Variants in SMC3 observed in about 807,000 individuals in gnomAD.
SMC3 encodes the protein structural maintenance of chromosomes protein 3.
In SMC3, 20 loss-of-function variants were observed where a neutral mutation model predicts 171.8. The observed-to-expected ratio is 0.12, with a 90% CI of 0.08 to 0.17. SMC3 has a LOEUF of 0.17. SMC3 is among the 10% of genes least tolerant of loss of function. The pLI is 1.00. For synonymous variants in SMC3, 464 were observed against 451.1 expected (o/e 1.03, Z -0.36); for missense variants, 543 against 1,420.4 (o/e 0.38, Z 9.93).
intron 13 of SMC3, 38 bp from the exon 14 acceptor site, chr10:110,589,567 C>T: frequency 1.5e-6 from 2 of 1,355,094 alleles, no homozygotes; most frequent in Non-Finnish European, 2.1e-6. Context: ...AGATTAGTTT[C>T]ATGAAATTGA....
At chr10:110,569,753 C>T (rs1444929783) in intron 2 of SMC3, among the ~76,000 whole-genome samples, 1 of 152,068 alleles carries the variant, frequency 6.6e-6, no homozygotes, top group Non-Finnish European at 1.5e-5. Context: ...AAATGAGAAA[C>T]CTTATGTAAG....
intron 18 of SMC3, among the ~76,000 whole-genome samples, chr10:110,595,917 CTTTTT>C (rs10639343): frequency 7.9e-5 from 8 of 101,608 alleles, no homozygotes; most frequent in African/African-American, 1.2e-4. Flanking sequence ...ACTGGAGGTT[CTTTTT>C]TTTTTTTTTT....
Position 110,598,148 on chromosome 10 carries a change from A to G in SMC3, c.2126A>G (p.Asn709Ser). 1 of 1,613,726 alleles carries G rather than the reference A, an allele frequency of 6.2e-7. No individual in the cohort carries two copies. The highest frequency in any genetic ancestry group is 8.5e-7 in the Non-Finnish European group (1 of 1,179,816). Reference protein sequence around the residue: ...NLRRNIERINNEIDQLMNQMQ... With the variant: ...NLRRNIERINSEIDQLMNQMQ... ...CCTTAGCCTTGTATATGGATTAATA[A>G]TGAAATTGATCAGTTGATGAACCAA... Residue 709 changes from asparagine (N) to serine (S), a missense_variant, in exon 20 of 29, where the codon AAT (asparagine) becomes AGT (serine). Asn to Ser is a conservative substitution (Grantham distance 46). Transcript: ENST00000361804.
At chr10:110,589,752 C>A in intron 14 of SMC3, 44 bp downstream of exon 14, 8 of 1,422,092 alleles carry the variant, frequency 5.6e-6, no homozygotes, top group South Asian at 3.5e-5. Flanking sequence ...CAGTAATGTT[C>A]GTTACTAGCT....
chr10:110,605,956 T>C lies in SMC3; in HGVS notation c.*1654T>C, dbSNP rs1861463074. Among the ~76,000 whole-genome samples the C allele has an allele frequency of 6.6e-6, 1 of 152,230 alleles. No homozygotes were observed. Among genetic ancestry groups the C allele is most frequent in the South Asian group, 2.1e-4 (1 of 4,824 alleles). ...AAACATAACATCATTCTAGAACTTCTTAATATTGTTCTTAAGCATTTCCCC... is the reference window on the plus strand; with the variant it reads ...AAACATAACATCATTCTAGAACTTCCTAATATTGTTCTTAAGCATTTCCCC... On this transcript the variant is annotated 3_prime_UTR_variant, in exon 29 of 29. Transcript: ENST00000361804.
intron 20 of SMC3, among the ~76,000 whole-genome samples, chr10:110,599,261 C>T (rs997090880): frequency 1.3e-5 from 2 of 152,128 alleles, no homozygotes; most frequent in Non-Finnish European, 2.9e-5. Flanking sequence ...CCACACCCAG[C>T]TAATTTTTGT....
intron 18 of SMC3, among the ~76,000 whole-genome samples, chr10:110,594,120 T>C (rs921804518): frequency 1.4e-5 from 2 of 138,656 alleles, no homozygotes; most frequent in Admixed American, 1.5e-4. Flanking sequence ...ATAGCAGGGG[T>C]TCTTAACCTT....
Position 110,575,373 on chromosome 10 carries a change from T to G in SMC3, c.168T>G (p.Leu56=), listed in dbSNP as rs1459624851. Residue 56 remains leucine, a synonymous_variant, in exon 4 of 29, where the codon CTT becomes CTG. Transcript: ENST00000361804. Reference sequence around the variant, plus strand: ...TTCTCAGTGATGAGTTTAGTCATCTTCGTCCAGAACAGCGGTTGGCTTTAT... The same window carrying G: ...TTCTCAGTGATGAGTTTAGTCATCTGCGTCCAGAACAGCGGTTGGCTTTAT... The part of the protein sequence containing the change: ...QFVLSDEFSH[L]RPEQRLALLH... The G allele has an allele frequency of 6.2e-7, 1 of 1,613,812 alleles. No individual in the cohort carries two copies. Among genetic ancestry groups the G allele is most frequent in the South Asian group, 1.1e-5 (1 of 91,082 alleles).
intron 18 of SMC3, among the ~76,000 whole-genome samples, chr10:110,595,917 C>CTTTT (rs10639343): frequency 0.11 from 11,429 of 101,260 alleles, 1,166 homozygotes; most frequent in African/African-American, 0.17. Flanking sequence ...ACTGGAGGTT[C>CTTTT]TTTTTTTTTT....
At chr10:110,585,453 T>C (rs1651700501) in intron 13 of SMC3, among the ~76,000 whole-genome samples, 1 of 151,730 alleles carries the variant, frequency 6.6e-6, no homozygotes, top group Admixed American at 6.6e-5. Flanking sequence ...CACGCCCGGC[T>C]AATTTTTTTG....
At chr10:110,601,556 T>C in intron 23 of SMC3, 81 bp from the exon 24 acceptor site, 3 of 1,444,000 alleles carry the variant, frequency 2.1e-6, no homozygotes, top group African/African-American at 1.4e-5. Context: ...TTTTGGTAGG[T>C]TTGATCATAA....
At chr10:110,568,752 T>C (rs1252036460) in intron 1 of SMC3, among the ~76,000 whole-genome samples, 186 bp from the exon 2 acceptor site, 2 of 150,456 alleles carry the variant, frequency 1.3e-5, no homozygotes, top group African/African-American at 4.9e-5. Context: ...TGGCAAAGAT[T>C]ACCGATAAAA....
At position 110,604,350 on chromosome 10, in the gene SMC3, T is replaced by G; in HGVS notation, c.*48T>G. On this transcript the variant is annotated 3_prime_UTR_variant, in exon 29 of 29. Coordinates refer to ENST00000361804, the MANE Select transcript of SMC3 (RefSeq NM_005445.4). Reference sequence around the variant, plus strand: ...TTGGGAGATGTATATAGTAATATGATTCTCATACCCAGGAACTGTAAATTT... The same window carrying G: ...TTGGGAGATGTATATAGTAATATGAGTCTCATACCCAGGAACTGTAAATTT... 2 of 1,309,986 alleles carry G rather than the reference T, an allele frequency of 1.5e-6. No homozygotes were observed. The highest frequency in any genetic ancestry group is 5.2e-4 in the Middle Eastern group (2 of 3,848). 81.1% of individuals were successfully genotyped at this position (1,309,986 alleles called of 1,614,324 possible). A position where few individuals can be genotyped will look rare whatever the true frequency, so the allele number is the denominator to read the frequency against.
At chr10:110,577,747 T>A (rs1860974216) in intron 5 of SMC3, 88 bp from the exon 6 acceptor site, 1 of 868,494 alleles carries the variant, frequency 1.2e-6, no homozygotes, top group African/African-American at 1.7e-5. Context: ...AAATAAATAC[T>A]TATGGGCAAG....
chr10:110,594,043 T>G (rs909498415), intron 18 of SMC3, among the ~76,000 whole-genome samples: 6 of 152,290 alleles, frequency 3.9e-5, no homozygotes, highest in Admixed American at 2.0e-4. Flanking sequence ...ATAGTTGGTT[T>G]GTTCAATTAA....
intron 25 of SMC3, 71 bp from the exon 26 acceptor site, chr10:110,602,403 T>TA (rs1489871960): frequency 1.6e-6 from 2 of 1,281,064 alleles, no homozygotes; most frequent in Non-Finnish European, 2.2e-6. Context: ...TTGGTTGCTT[T>TA]TAAATATTTT....
chr10:110,582,505 TG>T, intron 9 of SMC3, 56 bp from the exon 10 acceptor site: 10 of 1,217,050 alleles, frequency 8.2e-6, no homozygotes, highest in Non-Finnish European at 1.2e-5. Flanking sequence ...TTAGATGTTA[TG>T]AAATATTTAG....
At chr10:110,584,906 T>C (rs1003115154) in intron 13 of SMC3, among the ~76,000 whole-genome samples, 11 of 152,248 alleles carry the variant, frequency 7.2e-5, no homozygotes, top group African/African-American at 2.7e-4. Flanking sequence ...ATTAGAGGCA[T>C]GAGCCACTGT....
At chr10:110,576,923 A>G (rs967681133) in intron 4 of SMC3, among the ~76,000 whole-genome samples, 1 of 152,158 alleles carries the variant, frequency 6.6e-6, no homozygotes, top group Non-Finnish European at 1.5e-5. Flanking sequence ...TTTTTCTTAA[A>G]AAACAGACTT....
Sources: allele counts gnomAD v4.1 joint callset (sites outside exome capture counted in the v4.1 genomes callset), GRCh38; gene constraint gnomAD v4.1.1; transcripts MANE v1.5; gene names NCBI Gene and HGNC (gene_info 2026-07-23, HGNC 2026-07-21).